The following SPATS2 variants were observed in gnomAD, a reference collection of about 807,000 sequenced individuals.
SPATS2 encodes the protein spermatogenesis-associated serine-rich protein 2.
In SPATS2, 38 loss-of-function variants were observed where a neutral mutation model predicts 63.7. The observed-to-expected ratio is 0.60, with a 90% CI of 0.46 to 0.78. SPATS2 has a LOEUF of 0.78. Among genes scored for constraint, SPATS2 ranks in the 30% least tolerant of loss-of-function variants. SPATS2 has a pLI of 0.00. For missense variants in SPATS2, 588 were observed against 666.2 expected (o/e 0.88, Z 1.29); for synonymous variants, 207 against 232.9 (o/e 0.89, Z 1.01).
intron 2 of SPATS2, among the ~76,000 whole-genome samples, chr12:49,447,068 A>C (rs1247679558): frequency 6.6e-6 from 1 of 151,142 alleles, no homozygotes; most frequent in African/African-American, 2.4e-5. Flanking sequence ...AGCTAGGATT[A>C]CAAGTGCCTG....
At position 49,454,976 on chromosome 12, in the gene SPATS2, C is replaced by G. The variant is rs375323173; in HGVS notation, c.-243-5794C>G. Among the ~76,000 whole-genome samples, 27 of 152,022 alleles carry G rather than the reference C, an allele frequency of 1.8e-4. No individual in the cohort carries two copies. In the East Asian group the frequency reaches 3.9e-3, roughly 22 times the overall value. ...CATGCTAGCCTTTCATATCTCAGCACCACCATCAATTGCACATAAAGTTTC... is the reference window on the plus strand; with the variant it reads ...CATGCTAGCCTTTCATATCTCAGCAGCACCATCAATTGCACATAAAGTTTC... On this transcript the variant is annotated intron_variant, in intron 2 of 13. Coordinates refer to ENST00000552918, the MANE Select transcript of SPATS2 (RefSeq NM_023071.4).
At chr12:49,434,296 CAT>C (rs927799325) in intron 2 of SPATS2, among the ~76,000 whole-genome samples, 3 of 152,094 alleles carry the variant, frequency 2.0e-5, no homozygotes, top group African/African-American at 7.2e-5. Flanking sequence ...ATATACATAA[CAT>C]AATATTTATC....
intron 10 of SPATS2, among the ~76,000 whole-genome samples, chr12:49,517,187 G>A (rs1946864893): frequency 6.6e-6 from 1 of 152,160 alleles, no homozygotes; most frequent in Non-Finnish European, 1.5e-5. Flanking sequence ...TGGCAAATAG[G>A]TTTTATCTTG....
chr12:49,499,518 C>T (rs1391663417), intron 8 of SPATS2, among the ~76,000 whole-genome samples: 2 of 151,378 alleles, frequency 1.3e-5, no homozygotes, highest in Non-Finnish European at 2.9e-5. Context: ...TCTTTATACT[C>T]ATGCACTGGT....
rs999316897 is a variant in SPATS2 at position 49,522,799 on chromosome 12, C to T, written c.1057C>T (p.Arg353Trp). ...KYDEDLGRVA[R>W]FTCDVETLKK... ...TGATGAGGATCTGGGACGAGTAGCC[C>T]GGTTCACCTGTGATGTAGAGACCCT... is the stretch of plus-strand genomic sequence containing the variant. Residue 353 changes from arginine to tryptophan, a missense_variant, in exon 12 of 14, where the codon CGG (arginine) becomes TGG (tryptophan). Physicochemically the swap from Arg to Trp is moderately radical, Grantham distance 101. Coordinates refer to ENST00000552918, the MANE Select transcript of SPATS2 (RefSeq NM_023071.4). The T allele has an allele frequency of 9.9e-6, 16 of 1,613,730 alleles. No homozygotes were observed. Among genetic ancestry groups the T allele is most frequent in the South Asian group, 2.2e-5 (2 of 91,060 alleles).
chr12:49,399,582 G>A (rs1944569603), intron 2 of SPATS2, among the ~76,000 whole-genome samples: 1 of 152,112 alleles, frequency 6.6e-6, no homozygotes, highest in South Asian at 2.1e-4. Context: ...AATTTAAACT[G>A]GTTCTAGGTC....
chr12:49,418,784 A>C (rs902436713), intron 2 of SPATS2, among the ~76,000 whole-genome samples: 1 of 152,156 alleles, frequency 6.6e-6, no homozygotes, highest in Admixed American at 6.6e-5. Flanking sequence ...ACTTTTACAA[A>C]GCTTTGGTAG....
At chr12:49,387,722 G>A (rs959341341) in intron 2 of SPATS2, among the ~76,000 whole-genome samples, 2 of 151,574 alleles carry the variant, frequency 1.3e-5, no homozygotes, top group African/African-American at 2.4e-5. Context: ...GACAGCATAA[G>A]CAGAGATAAA....
chr12:49,450,692 C>G (rs1445334468), intron 2 of SPATS2, among the ~76,000 whole-genome samples: 4 of 151,964 alleles, frequency 2.6e-5, no homozygotes, highest in Non-Finnish European at 4.4e-5. Flanking sequence ...TACAGGCATG[C>G]GTCACCATGC....
Position 49,523,608 on chromosome 12 carries a change from C to T in SPATS2, c.1111+755C>T, listed in dbSNP as rs528947312. Among the ~76,000 whole-genome samples, 9 of 152,240 alleles carry T rather than the reference C, an allele frequency of 5.9e-5. No homozygotes were observed. The South Asian group carries it at 1.9e-3, about 32-fold the overall frequency. ...CTGTGAGATGAGAGTTTCTAGTGAC[C>T]TGTTTGTCAAACCCTGAACTCAGCC... On this transcript the variant is annotated intron_variant, in intron 12 of 13. Transcript: ENST00000552918.
chr12:49,498,145 AATATAT>A (rs1555191172), intron 8 of SPATS2, among the ~76,000 whole-genome samples: 4 of 98,958 alleles, frequency 4.0e-5, no homozygotes, highest in African/African-American at 1.5e-4. Context: ...AAAAAAAAAA[AATATAT>A]ATATATATAT....
At chr12:49,393,349 G>A (rs944487730) in intron 2 of SPATS2, among the ~76,000 whole-genome samples, 2 of 152,046 alleles carry the variant, frequency 1.3e-5, no homozygotes, top group African/African-American at 4.8e-5. Context: ...AGCAGCCATT[G>A]ATTGTTGACT....
chr12:49,526,129 G>A lies in SPATS2; in HGVS notation c.1512G>A (p.Gln504=). The A allele has an allele frequency of 6.2e-7, 1 of 1,614,196 alleles. No individual in the cohort carries two copies. The highest frequency in any genetic ancestry group is 8.5e-7 in the Non-Finnish European group (1 of 1,180,038). The part of the protein sequence containing the change: ...QAPGNTIERG[Q]THSAGTNGTG... ...CAGGAAACACCATTGAAAGAGGCCAGACTCACTCTGCAGGGACCAATGGAA... is the reference window on the plus strand; with the variant it reads ...CAGGAAACACCATTGAAAGAGGCCAAACTCACTCTGCAGGGACCAATGGAA... Residue 504 remains glutamine, a synonymous_variant, in exon 14 of 14, where the codon CAG becomes CAA. Coordinates refer to ENST00000552918, the MANE Select transcript of SPATS2 (RefSeq NM_023071.4).
chr12:49,387,509 C>A (rs1423098458), intron 2 of SPATS2, among the ~76,000 whole-genome samples: 1 of 151,826 alleles, frequency 6.6e-6, no homozygotes, highest in South Asian at 2.1e-4. Flanking sequence ...CGGTGATGCA[C>A]TCCTGTAATC....
At chr12:49,393,675 G>T (rs185392733) in intron 2 of SPATS2, among the ~76,000 whole-genome samples, 73 of 152,228 alleles carry the variant, frequency 4.8e-4, no homozygotes, top group Non-Finnish European at 1.0e-3. Flanking sequence ...TATTCTTATT[G>T]ATGTTCATAT....
chr12:49,465,789 C>A (rs577296108), intron 3 of SPATS2, among the ~76,000 whole-genome samples: 10 of 152,134 alleles, frequency 6.6e-5, no homozygotes, highest in African/African-American at 2.4e-4. Flanking sequence ...ACTAAAAATA[C>A]AAAAATTAGC....
At chr12:49,414,935 C>CTTTTTTTTTTTTTTT (rs199648430) in intron 2 of SPATS2, among the ~76,000 whole-genome samples, 14 of 135,914 alleles carry the variant, frequency 1.0e-4, no homozygotes, top group African/African-American at 3.2e-4. Context: ...TTTTCTTTTT[C>CTTTTTTTTTTTTTTT]TTTTCTTTTT....
intron 2 of SPATS2, among the ~76,000 whole-genome samples, chr12:49,400,453 A>G (rs1046496947): frequency 6.6e-6 from 1 of 152,196 alleles, no homozygotes; most frequent in Non-Finnish European, 1.5e-5. Flanking sequence ...GTATGTTTCT[A>G]CAGTGCTGAT....
chr12:49,496,076 A>G (rs1486035361), intron 7 of SPATS2, among the ~76,000 whole-genome samples: 1 of 152,164 alleles, frequency 6.6e-6, no homozygotes, highest in East Asian at 1.9e-4. Context: ...TGCCAATATA[A>G]GATTTATGCT....
Sources: gnomAD v4.1 joint callset for allele counts (sites outside exome capture counted in the v4.1 genomes callset) on GRCh38, gnomAD v4.1.1 for gene constraint, MANE v1.5 for transcripts, NCBI Gene and HGNC (gene_info 2026-07-23, HGNC 2026-07-21) for gene names.